Variants in PLA2G4F observed in about 807,000 individuals in gnomAD.
The protein encoded by PLA2G4F is cytosolic phospholipase A2 zeta.
In PLA2G4F, 105 loss-of-function variants were observed where a neutral mutation model predicts 103.1. The observed-to-expected ratio is 1.02, with a 90% CI of 0.87 to 1.20. The LOEUF is 1.20. Ranked by LOEUF, PLA2G4F falls within the 50% of genes most tolerant of loss-of-function variation. PLA2G4F has a pLI of 0.00. For synonymous variants in PLA2G4F, 468 were observed against 441.1 expected, an observed-to-expected ratio of 1.06 and a Z score of -0.76; for missense variants, 1,155 against 1,075.9, an observed-to-expected ratio of 1.07 and a Z score of -1.03.
Position 42,144,442 on chromosome 15 carries a change from G to A in PLA2G4F, c.1975+8C>T. The A allele has an allele frequency of 6.2e-7, 1 of 1,611,902 alleles. No individual in the cohort carries two copies. Among genetic ancestry groups the A allele is most frequent in the Non-Finnish European group, 8.5e-7 (1 of 1,179,852 alleles). On this transcript the variant is annotated splice_region_variant and intron_variant, in intron 17 of 19. Transcript: ENST00000397272. ...AGCCCCCCATCTCCCACCCAAGGCAGCACCCACCTTTCCAGGCCACGAACT... is the reference window on the plus strand; with the variant it reads ...AGCCCCCCATCTCCCACCCAAGGCAACACCCACCTTTCCAGGCCACGAACT...
At chr15:42,148,688 C>G (rs183828226) in intron 11 of PLA2G4F, 2 of 985,384 alleles carry the variant, frequency 2.0e-6, no homozygotes, top group Admixed American at 6.1e-5. Flanking sequence ...ACCAAAGGTG[C>G]CCAGAGGTTT....
At position 42,149,186 on chromosome 15, in the gene PLA2G4F, G is replaced by A. The variant is rs1394931752; in HGVS notation, c.1059+527C>T. On this transcript the variant is annotated intron_variant, in intron 11 of 19. Transcript: ENST00000397272. ...TCCCCCTCCAAATTCCTGTGTTGAA[G>A]CCCTAACCCCCAATGTGACAGTATT... 6 of 981,086 alleles carry A rather than the reference G, an allele frequency of 6.1e-6. No homozygotes were observed. In the South Asian group the frequency reaches 2.8e-4, roughly 46 times the overall value. 60.8% of individuals were successfully genotyped at this position (981,086 alleles called of 1,614,324 possible). A position where few individuals can be genotyped will look rare whatever the true frequency, so the allele number is the denominator to read the frequency against.
At chr15:42,150,967 C>A (rs540454585) in intron 7 of PLA2G4F, 190 bp from the exon 8 acceptor site, 3 of 985,434 alleles carry the variant, frequency 3.0e-6, no homozygotes, top group East Asian at 1.1e-4. Context: ...GGTCCTCTAG[C>A]CTGCCCTGGT....
In PLA2G4F at chr15:42,147,192, G is replaced by A. The variant is rs770482481; in HGVS notation, c.1351C>T (p.Arg451Cys). The change falls in exon 13 of 20, where the codon CGC (arginine) becomes TGC (cysteine). Residue 451 changes from arginine (R) to cysteine (C), a missense_variant. Arg to Cys is a radical substitution (Grantham distance 180). Coordinates refer to ENST00000397272, the MANE Select transcript of PLA2G4F (RefSeq NM_213600.4). ...YYTQELGVRE[R>C]SGHSVSLIDL... Reference sequence around the variant, plus strand: ...ATGAGGGACACGCTGTGGCCACTGCGCTCCCGGACCCCCAGTTCCTGAGTG... The same window carrying A: ...ATGAGGGACACGCTGTGGCCACTGCACTCCCGGACCCCCAGTTCCTGAGTG... 87 of 1,612,700 alleles carry A rather than the reference G, an allele frequency of 5.4e-5. No individual in the cohort carries two copies. The highest frequency in any genetic ancestry group is 6.3e-5 in the Non-Finnish European group (74 of 1,179,962).
At chr15:42,142,468 A>G in intron 19 of PLA2G4F, 60 bp downstream of exon 19, 1 of 1,521,434 alleles carries the variant, frequency 6.6e-7, no homozygotes, top group East Asian at 2.3e-5. Context: ...CCCTCAGAAC[A>G]GCGTCCCATC....
At chr15:42,151,000 T>A in intron 7 of PLA2G4F, 1 of 984,542 alleles carries the variant, frequency 1.0e-6, no homozygotes, top group African/African-American at 1.8e-5. Context: ...TCGGGAAGGG[T>A]GGGAAGCACA....
At position 42,150,420 on chromosome 15, in the gene PLA2G4F, A is replaced by G; in HGVS notation, c.838T>C (p.Ser280Pro). The change falls in exon 9 of 20, where the codon TCT (serine) becomes CCT (proline). Residue 280 changes from serine to proline, a missense_variant. Transcript: ENST00000397272. ...KLGEGGILLSSLPLGQEEQCS... is the reference protein window; with the variant it reads ...KLGEGGILLSPLPLGQEEQCS... ...TGTTCCTCCTGGCCTAGGGGCAGAG[A>G]GGAGAGCAGGATGCCCCCCTCGCCC... is the stretch of plus-strand genomic sequence containing the variant. 2 of 1,613,324 alleles carry G rather than the reference A, an allele frequency of 1.2e-6. No homozygotes were observed. The highest frequency in any genetic ancestry group is 1.7e-6 in the Non-Finnish European group (2 of 1,179,906).
At chr15:42,142,984 C>G (rs1280259482) in intron 18 of PLA2G4F, among the ~76,000 whole-genome samples, 3 of 151,898 alleles carry the variant, frequency 2.0e-5, no homozygotes, top group Admixed American at 6.6e-5. Context: ...ATCAAGACCA[C>G]CCTGGCCAAC....
rs753512524 is a variant in PLA2G4F, at chr15:42,144,656, C to T, written c.1781-12G>A. Reference sequence around the variant, plus strand: ...CTTCTGGCAGTCGTCTAGACAGGGGCGGGACAGTGAAATAGAGGGGAAAGT... The same window carrying T: ...CTTCTGGCAGTCGTCTAGACAGGGGTGGGACAGTGAAATAGAGGGGAAAGT... On this transcript the variant is annotated splice_polypyrimidine_tract_variant and intron_variant, in intron 16 of 19. Coordinates refer to ENST00000397272, the MANE Select transcript of PLA2G4F (RefSeq NM_213600.4). The T allele has an allele frequency of 1.1e-4, 168 of 1,562,698 alleles. No homozygotes were observed. The highest frequency in any genetic ancestry group is 1.7e-4 in the Middle Eastern group (1 of 5,760).
chr15:42,155,473 C>T lies in PLA2G4F; in HGVS notation c.184+44G>A, dbSNP rs758578490. ...AGCCTGAGCTGAGCTCTGAGGAAGC[C>T]GCAGGGAAAGGACAGAGAGAAGGAT... is the stretch of plus-strand genomic sequence containing the variant. On this transcript the variant is annotated intron_variant, in intron 2 of 19. Coordinates refer to ENST00000397272, the MANE Select transcript of PLA2G4F (RefSeq NM_213600.4). 2.3e-5 allele frequency: 36 copies of T among 1,599,942 alleles called. No homozygotes were observed. The African/African-American group carries it at 2.9e-4, about 13-fold the overall frequency.
intron 1 of PLA2G4F, among the ~76,000 whole-genome samples, chr15:42,156,124 T>A (rs2049012600): frequency 6.6e-6 from 1 of 152,048 alleles, no homozygotes; most frequent in Non-Finnish European, 1.5e-5. Context: ...AACATCAGCA[T>A]GCTGCCTACT....
In PLA2G4F at chr15:42,144,706, C is replaced by T. The variant is rs535308190; in HGVS notation, c.1781-62G>A. On this transcript the variant is annotated intron_variant, in intron 16 of 19. Coordinates refer to ENST00000397272, the MANE Select transcript of PLA2G4F (RefSeq NM_213600.4). ...TGGCATCCTCCTTTGCCCAGTGGTC[C>T]TTATAGTTCAGGGGTGCCCCTCCCC... 4.8e-6 allele frequency: 7 copies of T among 1,456,466 alleles called. No homozygotes were observed. In the African/African-American group the frequency reaches 8.5e-5, roughly 18 times the overall value. The allele number at this position is 1,456,466 out of a possible 1,614,324, so 90.2% of individuals were successfully genotyped here.
chr15:42,146,669 G>A (rs892360838), intron 13 of PLA2G4F: 9 of 218,014 alleles, frequency 4.1e-5, no homozygotes, highest in Middle Eastern at 1.8e-3. Flanking sequence ...GAGCAGCTCC[G>A]AATCTTATCG....
At chr15:42,149,283 G>C in intron 11 of PLA2G4F, 1 of 674,714 alleles carries the variant, frequency 1.5e-6, no homozygotes, top group Non-Finnish European at 1.8e-6. Context: ...GATAGGACTG[G>C]GGTCCTTAGA....
chr15:42,141,287 G>A lies in PLA2G4F; in HGVS notation c.*697C>T, dbSNP rs1484423813. On this transcript the variant is annotated 3_prime_UTR_variant, in exon 20 of 20. Transcript: ENST00000397272. ...CTGTGGTCCAGGTTCGAAGAGTGAA[G>A]CCTGGGTAACTGGCAGGGAGACACG... 4.4e-6 allele frequency: 2 copies of A among 456,738 alleles called. No homozygotes were observed. Among genetic ancestry groups the A allele is most frequent in the East Asian group, 7.0e-5 (1 of 14,378 alleles). 28.3% of individuals were successfully genotyped at this position (456,738 alleles called of 1,614,324 possible). A position where few individuals can be genotyped will look rare whatever the true frequency, so the allele number is the denominator to read the frequency against.
Position 42,141,305 on chromosome 15 carries a change from G to C in PLA2G4F, c.*679C>G, listed in dbSNP as rs932651114. 5 of 456,592 alleles carry C rather than the reference G, an allele frequency of 1.1e-5. No homozygotes were observed. The highest frequency in any genetic ancestry group is 2.2e-5 in the Non-Finnish European group (5 of 226,988). 28.3% of individuals were successfully genotyped at this position (456,592 alleles called of 1,614,324 possible). A position where few individuals can be genotyped will look rare whatever the true frequency, so the allele number is the denominator to read the frequency against. ...GAGTGAAGCCTGGGTAACTGGCAGG[G>C]AGACACGCGCACATCTCCCACCTGG... is the stretch of plus-strand genomic sequence containing the variant. On this transcript the variant is annotated 3_prime_UTR_variant, in exon 20 of 20. Transcript: ENST00000397272.
chr15:42,143,915 C>A (rs1482457565), intron 18 of PLA2G4F, 63 bp downstream of exon 18: 3 of 1,508,200 alleles, frequency 2.0e-6, no homozygotes, highest in Non-Finnish European at 2.7e-6. Flanking sequence ...CCCCTCCTCT[C>A]CTCCCTCACC....
At chr15:42,146,379 C>G (rs1427743434) in intron 13 of PLA2G4F, 138 bp from the exon 14 acceptor site, 1 of 771,008 alleles carries the variant, frequency 1.3e-6, no homozygotes, top group African/African-American at 1.7e-5. Flanking sequence ...GCTGTAAGGA[C>G]AGCCCTCTGA....
chr15:42,152,240 A>AGTGGCCAGGCT (rs1038370500), intron 7 of PLA2G4F, among the ~76,000 whole-genome samples: 2 of 152,256 alleles, frequency 1.3e-5, no homozygotes, highest in Non-Finnish European at 2.9e-5. Flanking sequence ...CATGTTAGGT[A>AGTGGCCAGGCT]GTGGCCAGGC....
Sources: allele counts gnomAD v4.1 joint callset (sites outside exome capture counted in the v4.1 genomes callset), GRCh38; gene constraint gnomAD v4.1.1; transcripts MANE v1.5; gene names NCBI Gene and HGNC (gene_info 2026-07-23, HGNC 2026-07-21).